Variants in ROBO1 observed in about 807,000 individuals in gnomAD.
ROBO1 encodes the protein roundabout homolog 1.
ROBO1 carries 149 observed loss-of-function variants against 195.9 expected under a neutral mutation model. The observed-to-expected ratio is 0.76, with a 90% CI of 0.67 to 0.87. ROBO1 has a LOEUF of 0.87. Among genes scored for constraint, ROBO1 ranks in the 40% least tolerant of loss-of-function variants. The pLI, the probability that ROBO1 is intolerant of heterozygous loss-of-function variation, is 0.00. For missense variants in ROBO1, 1,933 were observed against 2,068.3 expected (o/e 0.93, Z 1.27); for synonymous variants, 816 against 733.2 (o/e 1.11, Z -1.82).
intron 25 of ROBO1, among the ~76,000 whole-genome samples, chr3:78,629,748 G>A (rs1705062144): frequency 6.6e-6 from 1 of 152,076 alleles, no homozygotes; most frequent in African/African-American, 2.4e-5. Context: ...CTGACTTGGT[G>A]TAATTTATTT....
At chr3:79,026,178 A>G (rs1410017698) in intron 3 of ROBO1, among the ~76,000 whole-genome samples, 1 of 152,094 alleles carries the variant, frequency 6.6e-6, no homozygotes, top group Non-Finnish European at 1.5e-5. Context: ...CAGTATTTAT[A>G]TGACATTATG....
Position 78,635,909 on chromosome 3 carries a change from G to C in ROBO1, c.3237C>G (p.Ile1079Met), listed in dbSNP as rs1485017911. Residue 1079 changes from isoleucine to methionine, a missense_variant, in exon 23 of 31, where the codon ATC becomes ATG. Physicochemically the swap from Ile to Met is conservative, Grantham distance 10 (BLOSUM62 1). Coordinates refer to ENST00000464233, the MANE Select transcript of ROBO1 (RefSeq NM_002941.4). ...QPTPYATTQL[I>M]QSNLSNNMNN... ...TCATGTTGTTGCTGAGGTTTGACTG[G>C]ATGAGCTGAGTGGTGGCGTAAGGAG... 6.2e-7 allele frequency: 1 copy of C among 1,613,914 alleles called. No individual in the cohort carries two copies. Among genetic ancestry groups the C allele is most frequent in the Admixed American group, 1.7e-5 (1 of 60,002 alleles).
chr3:78,719,758 T>C (rs976088182), intron 5 of ROBO1, among the ~76,000 whole-genome samples: 1 of 152,180 alleles, frequency 6.6e-6, no homozygotes, highest in Non-Finnish European at 1.5e-5. Context: ...ATTTAAGACA[T>C]CAGTGCTAGG....
chr3:79,397,303 G>C (rs1481537852), intron 2 of ROBO1, among the ~76,000 whole-genome samples: 1 of 151,550 alleles, frequency 6.6e-6, no homozygotes, highest in Non-Finnish European at 1.5e-5. Flanking sequence ...CTACATCTAA[G>C]ACTACAGCTA....
At chr3:79,010,091 A>T (rs2077737652) in intron 3 of ROBO1, among the ~76,000 whole-genome samples, 1 of 152,212 alleles carries the variant, frequency 6.6e-6, no homozygotes, top group African/African-American at 2.4e-5. Flanking sequence ...AGCAACAGAC[A>T]GTAAGATGTA....
intron 1 of ROBO1, among the ~76,000 whole-genome samples, chr3:79,680,470 G>A (rs912145568): frequency 6.6e-6 from 1 of 151,990 alleles, no homozygotes; most frequent in Non-Finnish European, 1.5e-5. Flanking sequence ...GTTACTGGAT[G>A]GGAAAGGAAA....
intron 1 of ROBO1, among the ~76,000 whole-genome samples, chr3:79,734,486 T>C (rs966110586): frequency 2.0e-5 from 3 of 152,202 alleles, no homozygotes; most frequent in Non-Finnish European, 4.4e-5. Flanking sequence ...CTAAAACTGT[T>C]TTGCAAAAAA....
intron 5 of ROBO1, among the ~76,000 whole-genome samples, chr3:78,733,112 T>C (rs1357003000): frequency 5.3e-5 from 8 of 152,286 alleles, no homozygotes; most frequent in South Asian, 4.1e-4. Context: ...CAGCATTTGA[T>C]TGAGGAGATA....
intron 1 of ROBO1, among the ~76,000 whole-genome samples, chr3:79,648,215 G>C (rs1204896877): frequency 6.6e-6 from 1 of 152,016 alleles, no homozygotes; most frequent in Non-Finnish European, 1.5e-5. Flanking sequence ...GAACTTCTGT[G>C]TTTGGACTGG....
chr3:79,021,861 C>A (rs2078110299), intron 3 of ROBO1, among the ~76,000 whole-genome samples: 1 of 152,056 alleles, frequency 6.6e-6, no homozygotes, highest in African/African-American at 2.4e-5. Context: ...GGGGTTTCAC[C>A]GTGTTAGCCA....
chr3:79,313,877 A>G (rs2033610060), intron 2 of ROBO1, among the ~76,000 whole-genome samples: 1 of 152,228 alleles, frequency 6.6e-6, no homozygotes, highest in African/African-American at 2.4e-5. Context: ...GTCACTATTT[A>G]AAAGTACTTC....
At chr3:78,991,843 A>T (rs2077245565) in intron 3 of ROBO1, among the ~76,000 whole-genome samples, 1 of 152,180 alleles carries the variant, frequency 6.6e-6, no homozygotes, top group African/African-American at 2.4e-5. Flanking sequence ...CATTGACACC[A>T]GAGGAAATGG....
At chr3:78,732,651 T>A (rs551467408) in intron 5 of ROBO1, among the ~76,000 whole-genome samples, 1 of 152,220 alleles carries the variant, frequency 6.6e-6, no homozygotes, top group South Asian at 2.1e-4. Context: ...AATACAGTGA[T>A]GTCATATATC....
intron 2 of ROBO1, among the ~76,000 whole-genome samples, chr3:79,330,271 A>ATT (rs1553721120): frequency 3.2e-4 from 38 of 119,604 alleles, no homozygotes; most frequent in African/African-American, 1.4e-3. Flanking sequence ...ATGTATATAT[A>ATT]TGTATATATA....
At chr3:79,483,045 G>A (rs1436492874) in intron 2 of ROBO1, among the ~76,000 whole-genome samples, 7 of 152,148 alleles carry the variant, frequency 4.6e-5, no homozygotes, top group African/African-American at 1.4e-4. Context: ...GGAATAGAGC[G>A]ACTTCTCCAC....
intron 5 of ROBO1, among the ~76,000 whole-genome samples, chr3:78,720,950 T>TGGG (rs1218794618): frequency 1.4e-4 from 18 of 127,850 alleles, no homozygotes; most frequent in African/African-American, 5.1e-4. Flanking sequence ...GTTGTGGGGT[T>TGGG]GGGGGGGGGG....
chr3:78,890,866 A>T (rs2036848296), intron 4 of ROBO1, among the ~76,000 whole-genome samples: 1 of 152,084 alleles, frequency 6.6e-6, no homozygotes, highest in Non-Finnish European at 1.5e-5. Context: ...GGCTCAAGTG[A>T]TCCCCGTGCC....
chr3:79,627,013 A>G lies in ROBO1; in HGVS notation c.-50-37052T>C, dbSNP rs562220982. On this transcript the variant is annotated intron_variant, in intron 1 of 30. Transcript: ENST00000464233. ...CAAGGAAATAAGGGATGACCTAAACAGAAAAACATTCCATCCTCATGGATA... is the reference window on the plus strand; with the variant it reads ...CAAGGAAATAAGGGATGACCTAAACGGAAAAACATTCCATCCTCATGGATA... 3.9e-5 allele frequency among the ~76,000 whole-genome samples: 6 copies of G among 152,102 alleles called. No homozygotes were observed. In the South Asian group the frequency reaches 1.0e-3, roughly 26 times the overall value.
intron 4 of ROBO1, among the ~76,000 whole-genome samples, chr3:78,882,529 T>G (rs552485039): frequency 1.1e-4 from 16 of 152,262 alleles, no homozygotes; most frequent in Non-Finnish European, 1.9e-4. Flanking sequence ...GCCATCATGC[T>G]GAATGAAATA....
Sources: gnomAD v4.1 joint callset for allele counts (sites outside exome capture counted in the v4.1 genomes callset) on GRCh38, gnomAD v4.1.1 for gene constraint, MANE v1.5 for transcripts, NCBI Gene and HGNC (gene_info 2026-07-23, HGNC 2026-07-21) for gene names.